The following STAB2 variants were observed in gnomAD, a reference collection of about 807,000 sequenced individuals.
STAB2 encodes stabilin 2, also known as stabilin-2.
STAB2 carries 288 observed loss-of-function variants against 338.1 expected under a neutral mutation model. The observed-to-expected ratio is 0.85, with a 90% CI of 0.77 to 0.94. The LOEUF (loss-of-function observed/expected upper bound fraction) is 0.94, where lower values mean the gene tolerates loss of function less well. Among genes scored for constraint, STAB2 ranks in the 40% least tolerant of loss-of-function variants. The pLI is 0.00. For synonymous variants in STAB2, 1,202 were observed against 1,193.3 expected (o/e 1.01, Z -0.15); for missense variants, 3,141 against 3,210.1 (o/e 0.98, Z 0.52).
In STAB2 at chr12:103,647,135, A is replaced by T. The variant is rs889647620; in HGVS notation, c.1041-1555A>T. On this transcript the variant is annotated intron_variant, in intron 9 of 68. Transcript: ENST00000388887. ...AGGGTTTTAAGCACACAGGTGCCAG[A>T]ATTTTAAAGCGCAGTCAGGAGACTG... 7.2e-5 allele frequency among the ~76,000 whole-genome samples: 11 copies of T among 152,344 alleles called. No homozygotes were observed. In the South Asian group the frequency reaches 8.3e-4, roughly 11 times the overall value.
chr12:103,757,158 G>A (rs1299253213), intron 63 of STAB2, among the ~76,000 whole-genome samples: 5 of 150,924 alleles, frequency 3.3e-5, no homozygotes, highest in Non-Finnish European at 2.9e-5. Context: ...GCATGATCTC[G>A]GCTCATGGCA....
chr12:103,605,938 C>T (rs565327670), intron 3 of STAB2, among the ~76,000 whole-genome samples: 3 of 152,120 alleles, frequency 2.0e-5, no homozygotes, highest in African/African-American at 4.8e-5. Context: ...ACTAATATGA[C>T]AGCCCATGTC....
Position 103,684,939 on chromosome 12 carries a change from G to A in STAB2, c.2902-50G>A, listed in dbSNP as rs542535137. 5.3e-5 allele frequency: 84 copies of A among 1,578,912 alleles called. No homozygotes were observed. In the South Asian group the frequency reaches 8.4e-4, roughly 16 times the overall value. ...CTGTCGTCTCATAGATGTAACTCAGGTCTAACGTTTTTGTTGGGGTAACCA... is the reference window on the plus strand; with the variant it reads ...CTGTCGTCTCATAGATGTAACTCAGATCTAACGTTTTTGTTGGGGTAACCA... On this transcript the variant is annotated intron_variant, in intron 26 of 68. Transcript: ENST00000388887.
At chr12:103,703,297 C>T (rs1272283138) in intron 35 of STAB2, 21 bp downstream of exon 35, 1 of 1,607,258 alleles carries the variant, frequency 6.2e-7, no homozygotes, top group South Asian at 1.1e-5. Flanking sequence ...TGGGCCAGAG[C>T]CAGTGATGGA....
At chr12:103,619,756 G>GC (rs972877806) in intron 3 of STAB2, among the ~76,000 whole-genome samples, 3 of 115,602 alleles carry the variant, frequency 2.6e-5, no homozygotes, top group South Asian at 2.8e-4. Flanking sequence ...AACGCCCCCC[G>GC]CCCCCGCCAC....
chr12:103,764,728 T>TA (rs1285685681), intron 68 of STAB2, among the ~76,000 whole-genome samples: 1 of 152,172 alleles, frequency 6.6e-6, no homozygotes, highest in Non-Finnish European at 1.5e-5. Flanking sequence ...ATAAATGCAA[T>TA]AGACTGAAAA....
At chr12:103,590,747 A>G (rs1956783443) in intron 1 of STAB2, 150 bp from the exon 2 acceptor site, 2 of 878,400 alleles carry the variant, frequency 2.3e-6, no homozygotes, top group Admixed American at 2.5e-5. Flanking sequence ...TGAAAGGAGC[A>G]AACCAGTCAT....
intron 56 of STAB2, 21 bp downstream of exon 56, chr12:103,742,575 G>T: frequency 6.2e-7 from 1 of 1,613,820 alleles, no homozygotes; most frequent in Middle Eastern, 1.7e-4. Flanking sequence ...CCGCTTCTCC[G>T]TGCTAGAGCT....
At chr12:103,622,571 C>T (rs1255320815) in intron 5 of STAB2, among the ~76,000 whole-genome samples, 1 of 152,234 alleles carries the variant, frequency 6.6e-6, no homozygotes, top group Admixed American at 6.5e-5. Flanking sequence ...GGTTGCAATT[C>T]ATCCACAAGG....
intron 58 of STAB2, 57 bp downstream of exon 58, chr12:103,746,761 C>T: frequency 6.4e-7 from 1 of 1,561,746 alleles, no homozygotes; most frequent in Middle Eastern, 2.2e-4. Context: ...AGGAGCAGGA[C>T]TTGCTCACAG....
intron 35 of STAB2, 135 bp downstream of exon 35, chr12:103,703,411 G>A: frequency 8.8e-7 from 1 of 1,135,832 alleles, no homozygotes. Flanking sequence ...TATCTTTGAT[G>A]TGCCAAGGAG....
intron 60 of STAB2, 38 bp downstream of exon 60, chr12:103,750,758 C>T (rs775457572): frequency 1.3e-6 from 2 of 1,582,682 alleles, no homozygotes; most frequent in East Asian, 4.5e-5. Flanking sequence ...AAGCACCCTC[C>T]TCTTCAGGCC....
At chr12:103,718,707 G>A (rs1287322378) in intron 44 of STAB2, among the ~76,000 whole-genome samples, 1 of 152,216 alleles carries the variant, frequency 6.6e-6, no homozygotes, top group Admixed American at 6.5e-5. Context: ...AGAGTTTTGA[G>A]AAGTAATGAG....
intron 30 of STAB2, 36 bp from the exon 31 acceptor site, chr12:103,692,776 A>G (rs1371466822): frequency 1.3e-6 from 2 of 1,568,674 alleles, no homozygotes; most frequent in Admixed American, 1.7e-5. Context: ...TGCGCTCTAT[A>G]AAGACTCATC....
chr12:103,654,155 G>C (rs1873998727), intron 12 of STAB2, among the ~76,000 whole-genome samples: 1 of 152,210 alleles, frequency 6.6e-6, no homozygotes. Context: ...TATATGGGAG[G>C]AAGAAGGAAT....
chr12:103,726,142 C>T lies in STAB2; in HGVS notation c.4830C>T (p.Ser1610=). 1 of 1,613,922 alleles carries T rather than the reference C, an allele frequency of 6.2e-7. No homozygotes were observed. Among genetic ancestry groups the T allele is most frequent in the Non-Finnish European group, 8.5e-7 (1 of 1,179,860 alleles). The change falls in exon 46 of 69, where the codon TCC becomes TCT. Residue 1610 remains serine (S), a synonymous_variant. Coordinates refer to ENST00000388887, the MANE Select transcript of STAB2 (RefSeq NM_017564.10). ...YQELPKNPKT[S]QYFFQLQEHF... ...AGCTTCCCAAGAACCCGAAAACTTC[C>T]CAGTATTTCTTCCAGTTGCAGGTAG...
At position 103,761,315 on chromosome 12, in the gene STAB2, G is replaced by T. The variant is rs549105369; in HGVS notation, c.7264G>T (p.Val2422Phe). 6.2e-7 allele frequency: 1 copy of T among 1,614,098 alleles called. No homozygotes were observed. The highest frequency in any genetic ancestry group is 1.1e-5 in the South Asian group (1 of 91,066). The change falls in exon 66 of 69, where the codon GTT becomes TTT. Residue 2422 changes from valine to phenylalanine, a missense_variant. Transcript: ENST00000388887. ...ATTTCCCTAGACGGAGACCAGGTTT[G>T]TTGATGGAAGAGCCATTCTGCAGTG... ...DPLQPTETRF[V>F]DGRAILQWDI... is the part of the protein sequence containing the mutation.
intron 38 of STAB2, 137 bp downstream of exon 38, chr12:103,707,124 CTG>C (rs1879439225): frequency 5.8e-6 from 5 of 869,058 alleles, no homozygotes; most frequent in Middle Eastern, 3.5e-4. Context: ...GCTACTATCA[CTG>C]TGAATTATAA....
Position 103,677,578 on chromosome 12 carries a change from C to A in STAB2, c.2772C>A (p.Asp924Glu). The A allele has an allele frequency of 6.2e-7, 1 of 1,614,008 alleles. No homozygotes were observed. The highest frequency in any genetic ancestry group is 1.3e-5 in the African/African-American group (1 of 75,056). ...CLLPSAGGCH[D>E]NASCLYVGPG... ...TGCCCAGTGCAGGCGGCTGCCACGA[C>A]AACGCATCCTGTTTGTATGTGGGTC... is the stretch of plus-strand genomic sequence containing the variant. Residue 924 changes from aspartate to glutamate, a missense_variant, in exon 25 of 69, where the codon GAC (aspartate) becomes GAA (glutamate). Transcript: ENST00000388887.
Sources: gnomAD v4.1 joint callset for allele counts (sites outside exome capture counted in the v4.1 genomes callset) on GRCh38, gnomAD v4.1.1 for gene constraint, MANE v1.5 for transcripts, NCBI Gene and HGNC (gene_info 2026-07-23, HGNC 2026-07-21) for gene names.